The following FAM20C variants were observed in gnomAD, a reference collection of about 807,000 sequenced individuals.
FAM20C encodes FAM20C golgi associated secretory pathway kinase.
In FAM20C, 40 loss-of-function variants were observed where a neutral mutation model predicts 51.5. That is an observed-to-expected ratio of 0.78 (90% CI 0.60 to 1.01). The LOEUF is 1.01. Among genes scored for constraint, FAM20C ranks in the 50% least tolerant of loss-of-function variants. The probability of loss-of-function intolerance (pLI) is 0.00; values close to 1 mark genes in which losing one functional copy is unlikely to be tolerated. For synonymous variants in FAM20C, 406 were observed against 380.6 expected (o/e 1.07, Z -0.78); for missense variants, 861 against 844.7 (o/e 1.02, Z -0.24).
At chr7:250,127 G>A (rs1039956170) in intron 5 of FAM20C, among the ~76,000 whole-genome samples, 11 of 152,148 alleles carry the variant, frequency 7.2e-5, no homozygotes, top group South Asian at 6.2e-4. Flanking sequence ...GATTAGCTGC[G>A]TCTTCAGATT....
chr7:213,297 C>T (rs926746657), intron 3 of FAM20C, among the ~76,000 whole-genome samples: 2 of 151,894 alleles, frequency 1.3e-5, no homozygotes, highest in Admixed American at 1.3e-4. Flanking sequence ...TGGAATCCTG[C>T]AGTGTGTGGT....
intron 3 of FAM20C, among the ~76,000 whole-genome samples, chr7:236,519 C>T (rs956621068): frequency 6.6e-6 from 1 of 152,248 alleles, no homozygotes; most frequent in Non-Finnish European, 1.5e-5. Context: ...TCCCCTCGCC[C>T]TCACCTGGGG....
intron 3 of FAM20C, chr7:228,681 C>T (rs1247231628): frequency 1.8e-5 from 8 of 456,132 alleles, no homozygotes; most frequent in Admixed American, 4.7e-5. Flanking sequence ...GAGCTGAGGT[C>T]CTTAGCATCT....
intron 3 of FAM20C, among the ~76,000 whole-genome samples, chr7:217,210 G>A (rs1360712210): frequency 6.6e-6 from 1 of 152,134 alleles, no homozygotes; most frequent in East Asian, 1.9e-4. Flanking sequence ...TGTGGGGGAG[G>A]CGGACACAGC....
At chr7:232,212 C>T (rs1047806130) in intron 3 of FAM20C, among the ~76,000 whole-genome samples, 3 of 152,230 alleles carry the variant, frequency 2.0e-5, no homozygotes, top group African/African-American at 4.8e-5. Context: ...GGAAAAACCT[C>T]GGGGGACACC....
chr7:218,335 C>T (rs923108452), intron 3 of FAM20C, among the ~76,000 whole-genome samples: 2 of 152,248 alleles, frequency 1.3e-5, no homozygotes, highest in African/African-American at 4.8e-5. Context: ...GTGCTCCCGT[C>T]CTGGAGGGTC....
At position 195,951 on chromosome 7, in the gene FAM20C, G is replaced by T. The variant is rs144279285; in HGVS notation, c.784+219G>T. The stretch of plus-strand genomic sequence containing the variant: ...GCTCCTGATCTGCCGCACGATGAGC[G>T]GGGAGACGCCTGGACAGCCGGTCCA... On this transcript the variant is annotated intron_variant, in intron 2 of 9. Transcript: ENST00000313766. Among the ~76,000 whole-genome samples the T allele has an allele frequency of 1.6e-3, 240 of 152,356 alleles. 1 individual carries two copies. The highest frequency in any genetic ancestry group is 5.5e-3 in the African/African-American group (229 of 41,590).
chr7:208,907 CG>C lies in FAM20C; in HGVS notation c.800del (p.Gly267AlafsTer4). The C allele has an allele frequency of 3.8e-6, 6 of 1,575,024 alleles. No individual in the cohort carries two copies. The highest frequency in any genetic ancestry group is 4.3e-6 in the Non-Finnish European group (5 of 1,160,252). ...TCCCTCCTTCCTGCAGCCATGAAGT[CG>C]GGGGGCACGCAGCTGAAGCTCATCA... ...SQRITSVAMK[S>X]GGTQLKLIMT... On this transcript the variant is annotated frameshift_variant, in exon 3 of 10. Coordinates refer to ENST00000313766, the MANE Select transcript of FAM20C (RefSeq NM_020223.4). LOFTEE classifies it high-confidence loss of function.
At chr7:251,681 C>G (rs890528609) in intron 5 of FAM20C, among the ~76,000 whole-genome samples, 2 of 152,222 alleles carry the variant, frequency 1.3e-5, no homozygotes, top group East Asian at 3.9e-4. Context: ...GGCCATCGAC[C>G]ACCTTTGGTG....
intron 6 of FAM20C, 56 bp from the exon 7 acceptor site, chr7:256,598 C>T (rs1251422655): frequency 5.1e-5 from 72 of 1,405,308 alleles, no homozygotes; most frequent in Non-Finnish European, 5.4e-5. Flanking sequence ...TCATGGCACG[C>T]GCCGGGCTCC....
At chr7:209,166 G>A (rs115300735) in intron 3 of FAM20C, among the ~76,000 whole-genome samples, 190 bp downstream of exon 3, 5 of 152,104 alleles carry the variant, frequency 3.3e-5, no homozygotes, top group Non-Finnish European at 5.9e-5. Context: ...CCTCTCCCAC[G>A]GCCTCCCCAC....
At chr7:236,979 C>T (rs1203532328) in intron 3 of FAM20C, among the ~76,000 whole-genome samples, 3 of 152,182 alleles carry the variant, frequency 2.0e-5, no homozygotes, top group Non-Finnish European at 4.4e-5. Context: ...GTCATCACCA[C>T]GTCTCTGAAC....
chr7:260,112 C>A lies in FAM20C; in HGVS notation c.*132C>A. 7.8e-7 allele frequency: 1 copy of A among 1,274,282 alleles called. No homozygotes were observed. Among genetic ancestry groups the A allele is most frequent in the Non-Finnish European group, 1.0e-6 (1 of 969,220 alleles). The allele number at this position is 1,274,282 out of a possible 1,614,324, so 78.9% of individuals were successfully genotyped here. A position where few individuals can be genotyped will look rare whatever the true frequency, so the allele number is the denominator to read the frequency against. ...CATCCGGAGTCGGGAGCTGCTGCCA[C>A]AGGAGGCGAGGCTCCCCAGGTCTCA... is the stretch of plus-strand genomic sequence containing the variant. On this transcript the variant is annotated 3_prime_UTR_variant, in exon 10 of 10. Transcript: ENST00000313766.
At chr7:237,243 C>T (rs1377584851) in intron 3 of FAM20C, among the ~76,000 whole-genome samples, 1 of 152,206 alleles carries the variant, frequency 6.6e-6, no homozygotes, top group African/African-American at 2.4e-5. Flanking sequence ...CTTTTCAGTG[C>T]AGCAGGTCTT....
intron 3 of FAM20C, among the ~76,000 whole-genome samples, chr7:211,955 G>A (rs990518394): frequency 1.4e-4 from 22 of 152,208 alleles, no homozygotes; most frequent in African/African-American, 4.6e-4. Context: ...AGGTTAGGGC[G>A]TTGGCTGGTG....
At chr7:201,811 A>C (rs1235933091) in intron 2 of FAM20C, among the ~76,000 whole-genome samples, 1 of 152,236 alleles carries the variant, frequency 6.6e-6, no homozygotes, top group Non-Finnish European at 1.5e-5. Context: ...GACTGTGGGC[A>C]AAACCCAGTG....
chr7:197,956 T>G (rs771372153), intron 2 of FAM20C, among the ~76,000 whole-genome samples: 3 of 152,208 alleles, frequency 2.0e-5, no homozygotes, highest in Non-Finnish European at 4.4e-5. Flanking sequence ...CCAGGCTGCC[T>G]GACATTGCAG....
At chr7:200,281 C>A (rs113241771) in intron 2 of FAM20C, among the ~76,000 whole-genome samples, 10,623 of 151,704 alleles carry the variant, frequency 0.07, 630 homozygotes, top group East Asian at 0.31. Flanking sequence ...CTCGCTCGGC[C>A]GGCCTAGAGA....
intron 3 of FAM20C, 127 bp downstream of exon 3, chr7:209,103 C>G: frequency 1.1e-6 from 1 of 891,134 alleles, no homozygotes; most frequent in Non-Finnish European, 1.8e-6. Context: ...GGTGACCACT[C>G]TCAACTCTCC....
Sources: gnomAD v4.1 joint callset for allele counts (sites outside exome capture counted in the v4.1 genomes callset) on GRCh38, gnomAD v4.1.1 for gene constraint, MANE v1.5 for transcripts, NCBI Gene and HGNC (gene_info 2026-07-23, HGNC 2026-07-21) for gene names.